ASIC2: variants seen among roughly 807,000 people sequenced by gnomAD.
ASIC2 encodes the protein acid-sensing ion channel 2.
Under a neutral mutation model 57.3 loss-of-function variants are expected in ASIC2, and 25 were observed. The ratio of observed to expected loss-of-function variants is 0.44; its 90% CI spans 0.32 to 0.61. The LOEUF is 0.61. Among genes scored for constraint, ASIC2 ranks in the 20% least tolerant of loss-of-function variants. The pLI is 0.06. For synonymous variants in ASIC2, 319 were observed against 307.5 expected (o/e 1.04, Z -0.39); for missense variants, 641 against 738.1 (o/e 0.87, Z 1.52).
chr17:33,821,100 G>A (rs898547275), intron 1 of ASIC2, among the ~76,000 whole-genome samples: 6 of 152,168 alleles, frequency 3.9e-5, no homozygotes, highest in South Asian at 2.1e-4. Flanking sequence ...TGTATTTTCC[G>A]TGAGGACCTT....
At chr17:33,612,119 A>T (rs1224977691) in intron 1 of ASIC2, among the ~76,000 whole-genome samples, 1 of 152,216 alleles carries the variant, frequency 6.6e-6, no homozygotes, top group Non-Finnish European at 1.5e-5. Context: ...TATTCTATTC[A>T]GGCCTTCAAT....
At chr17:33,735,334 C>T (rs552750417) in intron 1 of ASIC2, among the ~76,000 whole-genome samples, 58 of 152,140 alleles carry the variant, frequency 3.8e-4, no homozygotes, top group Admixed American at 8.5e-4. Context: ...TTCTTGAATG[C>T]ATAAGTGGGC....
At chr17:33,359,005 G>A (rs1908494688) in intron 1 of ASIC2, among the ~76,000 whole-genome samples, 2 of 152,214 alleles carry the variant, frequency 1.3e-5, no homozygotes, top group African/African-American at 4.8e-5. Context: ...GACTTAAGAA[G>A]GTGGGGAGCC....
chr17:33,380,886 C>T (rs986296461), intron 1 of ASIC2, among the ~76,000 whole-genome samples: 8 of 152,220 alleles, frequency 5.3e-5, no homozygotes, highest in African/African-American at 1.9e-4. Flanking sequence ...TGGAGTGGCA[C>T]CTGGGTGGCT....
intron 1 of ASIC2, among the ~76,000 whole-genome samples, chr17:33,515,030 A>G (rs923528697): frequency 6.6e-6 from 1 of 152,238 alleles, no homozygotes; most frequent in Non-Finnish European, 1.5e-5. Flanking sequence ...GTCCACGGAT[A>G]TGTGCCCAGC....
intron 1 of ASIC2, among the ~76,000 whole-genome samples, chr17:33,776,132 CAAAAAAA>C (rs35541526): frequency 3.1e-5 from 4 of 127,502 alleles, no homozygotes; most frequent in Non-Finnish European, 3.3e-5. Context: ...GACTCTGTCT[CAAAAAAA>C]AAAAAAAAAA....
chr17:33,931,494 T>C (rs1177311611), intron 1 of ASIC2: 1 of 152,224 alleles, frequency 6.6e-6, no homozygotes, highest in African/African-American at 2.4e-5. Flanking sequence ...ACTCCTACTT[T>C]TTCTTTGAGG....
intron 1 of ASIC2, among the ~76,000 whole-genome samples, chr17:33,194,807 C>T (rs144768537): frequency 6.6e-5 from 10 of 152,330 alleles, no homozygotes; most frequent in East Asian, 5.8e-4. Context: ...CGCTAAGACA[C>T]GTGGTGAAAC....
intron 1 of ASIC2, among the ~76,000 whole-genome samples, chr17:33,232,888 G>T (rs753340632): frequency 2.0e-5 from 3 of 152,202 alleles, no homozygotes; most frequent in Admixed American, 6.5e-5. Context: ...TGTCCTGGGG[G>T]TCTTCTTCCT....
chr17:33,225,813 T>C (rs1229364576), intron 1 of ASIC2, among the ~76,000 whole-genome samples: 2 of 152,200 alleles, frequency 1.3e-5, no homozygotes, highest in Non-Finnish European at 2.9e-5. Context: ...TGAGGAGATA[T>C]TGGAATTTGT....
At chr17:34,012,000 C>A (rs1304972847) in intron 1 of ASIC2, among the ~76,000 whole-genome samples, 2 of 152,162 alleles carry the variant, frequency 1.3e-5, no homozygotes, top group African/African-American at 4.8e-5. Context: ...CTCCAGGAGG[C>A]CAGACTGAAC....
rs564837943 is a variant in ASIC2 at position 33,947,213 on chromosome 17, G to A, written c.555+208765C>T. Among the ~76,000 whole-genome samples, 10 of 152,300 alleles carry A rather than the reference G, an allele frequency of 6.6e-5. No homozygotes were observed. In the East Asian group the frequency reaches 1.9e-3, roughly 29 times the overall value. Reference sequence around the variant, plus strand: ...AACTATTAGCACCATCTCATGGGGAGATCTATCTTTGCCACTCCAGACTGT... The same window carrying A: ...AACTATTAGCACCATCTCATGGGGAAATCTATCTTTGCCACTCCAGACTGT... On this transcript the variant is annotated intron_variant, in intron 1 of 9. Coordinates refer to the ASIC2 transcript ENST00000359872.
At chr17:33,656,715 C>G (rs1377777068) in intron 1 of ASIC2, among the ~76,000 whole-genome samples, 1 of 152,184 alleles carries the variant, frequency 6.6e-6, no homozygotes, top group African/African-American at 2.4e-5. Context: ...TTTCATAACA[C>G]CCCATGTTCC....
chr17:34,022,641 CAAAAAAAA>C (rs755726883), intron 1 of ASIC2, among the ~76,000 whole-genome samples: 5 of 124,792 alleles, frequency 4.0e-5, no homozygotes, highest in Non-Finnish European at 7.0e-5. Flanking sequence ...AAAAAAAAAA[CAAAAAAAA>C]AAACAAAAAA....
intron 1 of ASIC2, among the ~76,000 whole-genome samples, chr17:33,563,258 T>C (rs1916130853): frequency 6.6e-6 from 1 of 152,248 alleles, no homozygotes; most frequent in African/African-American, 2.4e-5. Flanking sequence ...GTATTTGTCC[T>C]GTACCAGACA....
chr17:34,125,698 T>G (rs1418462383), intron 1 of ASIC2, among the ~76,000 whole-genome samples: 1 of 152,130 alleles, frequency 6.6e-6, no homozygotes, highest in Non-Finnish European at 1.5e-5. Flanking sequence ...AAGGAGGAAG[T>G]TGAGGTGTAA....
intron 1 of ASIC2, among the ~76,000 whole-genome samples, chr17:33,856,583 TA>T (rs1225697071): frequency 2.6e-5 from 1 of 39,108 alleles, no homozygotes; most frequent in Non-Finnish European, 5.9e-5. Flanking sequence ...CTGTTGGCTG[TA>T]GTATCCTAAC....
intron 1 of ASIC2, among the ~76,000 whole-genome samples, chr17:33,469,771 C>G (rs1912982828): frequency 6.6e-6 from 1 of 152,160 alleles, no homozygotes; most frequent in Admixed American, 6.5e-5. Flanking sequence ...GAAGCCCATA[C>G]TTCACTCTTG....
At chr17:33,943,676 C>G (rs1916242107) in intron 1 of ASIC2, among the ~76,000 whole-genome samples, 1 of 134,082 alleles carries the variant, frequency 7.5e-6, no homozygotes, top group Non-Finnish European at 1.5e-5. Flanking sequence ...AGCCAACATT[C>G]ATTGAATGAT....
Sources: gnomAD v4.1 joint callset for allele counts (sites outside exome capture counted in the v4.1 genomes callset) on GRCh38, gnomAD v4.1.1 for gene constraint, MANE v1.5 for transcripts, NCBI Gene and HGNC (gene_info 2026-07-23, HGNC 2026-07-21) for gene names.